The following DPP10 variants were observed in gnomAD, a reference collection of about 807,000 sequenced individuals.
DPP10 encodes inactive dipeptidyl peptidase 10.
A neutral mutation model predicts 120.9 loss-of-function variants in DPP10; 33 were observed. That is an observed-to-expected ratio of 0.27 (90% CI 0.21 to 0.37). DPP10 has a LOEUF of 0.37. Ranked by LOEUF, DPP10 falls within the 10% of genes least tolerant of loss-of-function variation. The probability of loss-of-function intolerance (pLI) is 1.00; values close to 1 mark genes in which losing one functional copy is unlikely to be tolerated. For synonymous variants in DPP10, 337 were observed against 326.1 expected, an observed-to-expected ratio of 1.03 and a Z score of -0.36; for missense variants, 816 against 942.8, an observed-to-expected ratio of 0.87 and a Z score of 1.76.
At chr2:115,397,985 A>C (rs2067802576) in intron 3 of DPP10, among the ~76,000 whole-genome samples, 1 of 152,166 alleles carries the variant, frequency 6.6e-6, no homozygotes, top group African/African-American at 2.4e-5. Context: ...AACATCACAT[A>C]GAAAAAATGT....
chr2:114,663,668 T>TATATATATAGAGAGAGAGAGAGAG, intron 1 of DPP10, among the ~76,000 whole-genome samples: 30 of 80,700 alleles, frequency 3.7e-4, no homozygotes, highest in African/African-American at 2.6e-3. Context: ...TATATATATA[T>TATATATATAGAGAGAGAGAGAGAG]AGAGAGAGAG....
intron 1 of DPP10, among the ~76,000 whole-genome samples, chr2:114,945,292 G>A (rs1697263780): frequency 6.6e-6 from 1 of 152,166 alleles, no homozygotes; most frequent in African/African-American, 2.4e-5. Context: ...TTAAGAGAAC[G>A]ACTAGACAAG....
chr2:114,634,106 A>G (rs1340892638), intron 1 of DPP10, among the ~76,000 whole-genome samples: 1 of 151,970 alleles, frequency 6.6e-6, no homozygotes, highest in Non-Finnish European at 1.5e-5. Context: ...CAGATATTTG[A>G]AACAATTCTT....
intron 21 of DPP10, among the ~76,000 whole-genome samples, chr2:115,828,363 A>G (rs988945779): frequency 4.6e-5 from 7 of 152,016 alleles, no homozygotes; most frequent in African/African-American, 1.7e-4. Flanking sequence ...TTTTCTTCAT[A>G]TGTCTTACGC....
intron 5 of DPP10, among the ~76,000 whole-genome samples, chr2:115,599,281 C>T (rs1002545102): frequency 6.6e-6 from 1 of 152,088 alleles, no homozygotes; most frequent in African/African-American, 2.4e-5. Context: ...TTCTTTCTCT[C>T]CCCTTCTGGG....
intron 1 of DPP10, among the ~76,000 whole-genome samples, chr2:114,528,962 C>G (rs916204155): frequency 7.2e-5 from 11 of 152,074 alleles, no homozygotes; most frequent in African/African-American, 2.2e-4. Flanking sequence ...CAGATGTATT[C>G]TTTGTCCTCT....
chr2:114,815,278 A>C (rs1450916663), intron 1 of DPP10, among the ~76,000 whole-genome samples: 1 of 152,152 alleles, frequency 6.6e-6, no homozygotes, highest in East Asian at 1.9e-4. Flanking sequence ...AAGACAATTA[A>C]ATTCATTTAC....
At position 114,706,696 on chromosome 2, in the gene DPP10, C is replaced by A. The variant is rs777686762; in HGVS notation, c.60+263858C>A. ...CCCTATTGCAAAGTAATCTCACATT[C>A]ACAGGTATTGAGGGGTTAGGAATTG... On this transcript the variant is annotated intron_variant, in intron 1 of 25. Transcript: ENST00000410059. 1.0e-3 allele frequency among the ~76,000 whole-genome samples: 156 copies of A among 152,156 alleles called. 2 individuals carry two copies. Among genetic ancestry groups the A allele is most frequent in the Admixed American group, 4.6e-4 (7 of 15,266 alleles).
intron 7 of DPP10, among the ~76,000 whole-genome samples, chr2:115,712,911 G>C (rs1365693733): frequency 1.3e-5 from 2 of 151,890 alleles, no homozygotes; most frequent in Non-Finnish European, 2.9e-5. Context: ...TACTTTGCAT[G>C]CTATACAAAA....
chr2:115,088,763 A>AAAAAAAAC lies in DPP10; in HGVS notation c.61-220470_61-220469insACAAAAAA, dbSNP rs1164808549. The stretch of plus-strand genomic sequence containing the variant: ...CACTGTGCCTGACAAAAAAAAAAAA[A>AAAAAAAAC]AAAAAACCAAAAAACAAAAAAAACC... On this transcript the variant is annotated intron_variant, in intron 1 of 25. Coordinates refer to ENST00000410059, the MANE Select transcript of DPP10 (RefSeq NM_020868.6). Among the ~76,000 whole-genome samples, 95 of 149,430 alleles carry AAAAAAAAC rather than the reference A, an allele frequency of 6.4e-4. 2 individuals carry two copies. Among genetic ancestry groups the AAAAAAAAC allele is most frequent in the Admixed American group, 3.3e-4 (5 of 15,086 alleles).
intron 1 of DPP10, among the ~76,000 whole-genome samples, chr2:114,919,982 AG>A (rs1368705338): frequency 6.6e-6 from 1 of 152,174 alleles, no homozygotes; most frequent in Non-Finnish European, 1.5e-5. Context: ...CTTTCATAGA[AG>A]GGAGAAGCTG....
chr2:115,278,160 A>C (rs1357665502), intron 1 of DPP10, among the ~76,000 whole-genome samples: 5 of 152,162 alleles, frequency 3.3e-5, no homozygotes, highest in Admixed American at 3.3e-4. Context: ...ATGAGGAAAT[A>C]ATGTGTTTCC....
At position 114,721,383 on chromosome 2, in the gene DPP10, C is replaced by A. The variant is rs147962388; in HGVS notation, c.60+278545C>A. On this transcript the variant is annotated intron_variant, in intron 1 of 25. Transcript: ENST00000410059. ...TTTCTGAATTAAGCATTTGGAGTGA[C>A]GTCAATTTTAATTTTTAATTTGGCT... Among the ~76,000 whole-genome samples the A allele has an allele frequency of 9.5e-3, 1,440 of 152,276 alleles. 18 individuals carry two copies. The highest frequency in any genetic ancestry group is 0.033 in the African/African-American group (1,376 of 41,550).
chr2:114,829,652 C>T (rs574347649), intron 1 of DPP10, among the ~76,000 whole-genome samples: 168 of 151,884 alleles, frequency 1.1e-3, no homozygotes, highest in Middle Eastern at 0.01. Flanking sequence ...GCTCGGATTA[C>T]AGGCGTGAGC....
intron 5 of DPP10, among the ~76,000 whole-genome samples, chr2:115,619,716 TTC>T (rs888452280): frequency 6.6e-6 from 1 of 152,182 alleles, no homozygotes; most frequent in Non-Finnish European, 1.5e-5. Flanking sequence ...GTCTCTGCTT[TTC>T]TCTGTGTGGA....
At chr2:115,061,638 AT>A (rs1706411317) in intron 1 of DPP10, among the ~76,000 whole-genome samples, 1 of 152,204 alleles carries the variant, frequency 6.6e-6, no homozygotes, top group Non-Finnish European at 1.5e-5. Context: ...GATGGTGATG[AT>A]TATAGAGAGA....
At chr2:115,280,836 A>G (rs1241849717) in intron 1 of DPP10, among the ~76,000 whole-genome samples, 3 of 152,210 alleles carry the variant, frequency 2.0e-5, no homozygotes, top group Non-Finnish European at 4.4e-5. Context: ...ATTCGTTTCT[A>G]TGGATAACTT....
intron 5 of DPP10, among the ~76,000 whole-genome samples, chr2:115,582,587 C>G (rs192127491): frequency 1.3e-5 from 2 of 152,282 alleles, no homozygotes; most frequent in African/African-American, 4.8e-5. Context: ...GCCTAGATAC[C>G]TACTCTAACA....
chr2:114,451,821 T>C (rs1463135096), intron 1 of DPP10, among the ~76,000 whole-genome samples: 1 of 152,136 alleles, frequency 6.6e-6, no homozygotes, highest in East Asian at 1.9e-4. Flanking sequence ...CTGAGGTTTG[T>C]GTCTTCAAGT....
Sources: allele counts gnomAD v4.1 joint callset (sites outside exome capture counted in the v4.1 genomes callset), GRCh38; gene constraint gnomAD v4.1.1; transcripts MANE v1.5; gene names NCBI Gene and HGNC (gene_info 2026-07-23, HGNC 2026-07-21).